Variants in PCDH9 observed in about 807,000 individuals in gnomAD.
PCDH9 encodes the protein protocadherin 9.
In PCDH9, 24 loss-of-function variants were observed where a neutral mutation model predicts 70.6. The observed-to-expected ratio is 0.34, with a 90% CI of 0.25 to 0.48. The LOEUF is 0.48. PCDH9 is among the 20% of genes least tolerant of loss of function. The pLI is 0.99. For missense variants in PCDH9, 1,281 were observed against 1,503.6 expected (o/e 0.85, Z 2.45); for synonymous variants, 562 against 558.5 (o/e 1.01, Z -0.09).
intron 2 of PCDH9, among the ~76,000 whole-genome samples, chr13:66,977,901 T>A (rs1161809324): frequency 6.6e-6 from 1 of 152,148 alleles, no homozygotes; most frequent in Non-Finnish European, 1.5e-5. Flanking sequence ...GGAATGCCGA[T>A]TTTAAAGGCA....
intron 3 of PCDH9, among the ~76,000 whole-genome samples, chr13:66,743,340 G>A (rs2079300387): frequency 8.2e-6 from 1 of 121,402 alleles, no homozygotes. Flanking sequence ...TCTGGGGACT[G>A]TGGTGGGGTG....
intron 4 of PCDH9, among the ~76,000 whole-genome samples, chr13:66,402,910 G>A (rs776179691): frequency 4.6e-5 from 7 of 152,118 alleles, no homozygotes; most frequent in South Asian, 2.1e-4. Context: ...TTTATCAAAA[G>A]GTGATGGCAG....
chr13:66,588,822 T>TAA (rs532796338), intron 4 of PCDH9, among the ~76,000 whole-genome samples: 1 of 144,736 alleles, frequency 6.9e-6, no homozygotes, highest in East Asian at 2.0e-4. Context: ...GTGTTGAAGT[T>TAA]AAAAAAAAAA....
intron 4 of PCDH9, among the ~76,000 whole-genome samples, chr13:66,519,698 C>T (rs75966075): frequency 0.011 from 1,640 of 152,152 alleles, 39 homozygotes; most frequent in East Asian, 0.092. Flanking sequence ...GATCCTGATA[C>T]GATGAAAGAG....
chr13:66,530,082 A>C (rs1027059548), intron 4 of PCDH9, among the ~76,000 whole-genome samples: 2 of 152,058 alleles, frequency 1.3e-5, no homozygotes, highest in Non-Finnish European at 1.5e-5. Flanking sequence ...GTGAATCACT[A>C]TTACTGGAGT....
At chr13:66,581,204 G>C (rs1160345739) in intron 4 of PCDH9, among the ~76,000 whole-genome samples, 1 of 152,070 alleles carries the variant, frequency 6.6e-6, no homozygotes, top group East Asian at 1.9e-4. Flanking sequence ...GATTATGTCT[G>C]AAAAATGCTT....
intron 2 of PCDH9, among the ~76,000 whole-genome samples, chr13:66,907,845 A>T (rs1338523632): frequency 6.6e-6 from 1 of 152,178 alleles, no homozygotes; most frequent in African/African-American, 2.4e-5. Flanking sequence ...GTTTACTAAA[A>T]ATCAATAGCA....
At chr13:66,451,446 A>G (rs1958207711) in intron 4 of PCDH9, among the ~76,000 whole-genome samples, 1 of 152,212 alleles carries the variant, frequency 6.6e-6, no homozygotes, top group Non-Finnish European at 1.5e-5. Flanking sequence ...ACCTAAACAT[A>G]AGAACAATTT....
At chr13:67,021,835 T>C (rs528979110) in intron 2 of PCDH9, among the ~76,000 whole-genome samples, 28 of 152,202 alleles carry the variant, frequency 1.8e-4, no homozygotes, top group Non-Finnish European at 2.6e-4. Context: ...GCTAGAAATA[T>C]AGGCATGAGC....
intron 2 of PCDH9, among the ~76,000 whole-genome samples, chr13:67,185,929 T>A (rs560549557): frequency 6.6e-5 from 10 of 152,064 alleles, no homozygotes; most frequent in African/African-American, 2.2e-4. Flanking sequence ...ACAGGGTTTC[T>A]CCAAGTTGGT....
chr13:66,789,204 C>G (rs2080125764), intron 3 of PCDH9, among the ~76,000 whole-genome samples: 2 of 152,136 alleles, frequency 1.3e-5, no homozygotes, highest in African/African-American at 4.8e-5. Flanking sequence ...CCCTGAGTAA[C>G]CGGCTGAAAT....
intron 2 of PCDH9, among the ~76,000 whole-genome samples, chr13:66,961,513 G>T (rs1028640196): frequency 5.9e-5 from 9 of 152,270 alleles, no homozygotes; most frequent in African/African-American, 1.9e-4. Flanking sequence ...TCAATGAAAG[G>T]CTGGGTATGG....
At chr13:66,711,181 A>G (rs1482391212) in intron 3 of PCDH9, among the ~76,000 whole-genome samples, 1 of 152,178 alleles carries the variant, frequency 6.6e-6, no homozygotes, top group Non-Finnish European at 1.5e-5. Context: ...CATGCAATGC[A>G]ACATTATGCA....
chr13:67,182,543 T>TA (rs575013516), intron 2 of PCDH9, among the ~76,000 whole-genome samples: 156 of 151,068 alleles, frequency 1.0e-3, no homozygotes, highest in South Asian at 3.4e-3. Context: ...TCTCTAAAAA[T>TA]AAAAAAAAAT....
At chr13:66,831,276 C>T (rs2080920767) in intron 3 of PCDH9, among the ~76,000 whole-genome samples, 1 of 152,254 alleles carries the variant, frequency 6.6e-6, no homozygotes, top group Non-Finnish European at 1.5e-5. Flanking sequence ...GCATCTACAA[C>T]CTCTTTTTTG....
At chr13:66,312,364 G>A (rs537513028) in intron 4 of PCDH9, among the ~76,000 whole-genome samples, 1 of 152,186 alleles carries the variant, frequency 6.6e-6, no homozygotes, top group South Asian at 2.1e-4. Flanking sequence ...TGTTCAGATA[G>A]ATTAGGCTAG....
chr13:66,924,697 C>CTACA (rs2082689647), intron 2 of PCDH9, among the ~76,000 whole-genome samples: 1 of 151,702 alleles, frequency 6.6e-6, no homozygotes, highest in African/African-American at 2.4e-5. Context: ...ATGAGCATAG[C>CTACA]TACATACATA....
rs1257312372 is a variant in PCDH9 at position 67,226,197 on chromosome 13, C to A, written c.2244G>T (p.Leu748Phe). The stretch of plus-strand genomic sequence containing the variant: ...CACTTATGTTGACCACCAAACGATG[C>A]AATCCCACATCAGTAGGTGCTGGTT... ...EEKPAPTDVG[L>F]HRLVVNISDL... is the part of the protein sequence containing the mutation. Residue 748 changes from leucine to phenylalanine, a missense_variant, in exon 2 of 5, where the codon TTG (leucine) becomes TTT (phenylalanine). Coordinates refer to ENST00000377865, the MANE Select transcript of PCDH9 (RefSeq NM_203487.3). The surrounding 1 kb of genome is among the most constrained non-coding windows in gnomAD (Gnocchi z 5.0). The A allele has an allele frequency of 6.2e-7, 1 of 1,613,954 alleles. No homozygotes were observed. Among genetic ancestry groups the A allele is most frequent in the African/African-American group, 1.3e-5 (1 of 74,894 alleles).
chr13:66,698,895 C>CTTT (rs67333897), intron 3 of PCDH9, among the ~76,000 whole-genome samples: 92 of 61,108 alleles, frequency 1.5e-3, no homozygotes, highest in African/African-American at 3.7e-3. Flanking sequence ...CTCAATTCCT[C>CTTT]TTTTTTTTTT....
Sources: gnomAD v4.1 joint callset for allele counts (sites outside exome capture counted in the v4.1 genomes callset) on GRCh38, gnomAD v4.1.1 for gene constraint, Gnocchi (gnomAD v3.1) non-coding constraint, MANE v1.5 for transcripts, NCBI Gene and HGNC (gene_info 2026-07-23, HGNC 2026-07-21) for gene names.